Variants in LIMS1 observed in about 807,000 individuals in gnomAD.
LIMS1 encodes LIM and senescent cell antigen-like-containing domain protein 1.
Under a neutral mutation model 44.1 loss-of-function variants are expected in LIMS1, and 18 were observed. That is an observed-to-expected ratio of 0.41 (90% CI 0.28 to 0.61). The LOEUF is 0.61. Ranked by LOEUF, LIMS1 falls within the 20% of genes least tolerant of loss-of-function variation. The pLI, the probability that LIMS1 is intolerant of heterozygous loss-of-function variation, is 0.32. For missense variants in LIMS1, 201 were observed against 422.0 expected, an observed-to-expected ratio of 0.48 and a Z score of 4.59; for synonymous variants, 93 against 149.1, an observed-to-expected ratio of 0.62 and a Z score of 2.74.
chr2:108,684,693 A>C (rs1693216955), exon 10 of LIMS1: 1 of 152,212 alleles, frequency 6.6e-6, no homozygotes, highest in Non-Finnish European at 1.5e-5. Context: ...TGCAAAAAAA[A>C]ATTTATACCA....
rs370617959 is a variant in LIMS1, at chr2:108,683,933, T to C, written c.948T>C (p.Tyr316=). The C allele has an allele frequency of 2.1e-4, 335 of 1,605,374 alleles. 1 individual carries two copies. The South Asian group carries it at 3.4e-3, about 16-fold the overall frequency. ...TGAAGCCAGTCTGTAAGAAGTGCTA[T>C]GAGAAATTTCCATTGGAGCTGAAGA... The change falls in exon 10 of 10, where the codon TAT becomes TAC. Residue 316 remains tyrosine, a synonymous_variant. Coordinates refer to ENST00000544547, the Ensembl canonical transcript of LIMS1.
In LIMS1 at chr2:108,674,578, A is replaced by G. The variant is rs376992113; in HGVS notation, c.531-1300A>G. Among the ~76,000 whole-genome samples, 211 of 148,648 alleles carry G rather than the reference A, an allele frequency of 1.4e-3. 2 individuals carry two copies. In the South Asian group the frequency reaches 0.031, roughly 22 times the overall value. On this transcript the variant is annotated intron_variant, in intron 5 of 9. Coordinates refer to ENST00000544547, the Ensembl canonical transcript of LIMS1. ...TCTACTAAGAATAAAAAAATTAGCC[A>G]GGCGTGGTGGTGGGTGCCTGTAGTC...
intron 1 of LIMS1, among the ~76,000 whole-genome samples, chr2:108,593,483 T>A (rs1317140040): frequency 6.6e-6 from 1 of 152,190 alleles, no homozygotes; most frequent in East Asian, 1.9e-4. Flanking sequence ...AGACCTGGAG[T>A]TGCTGTCTTT....
At chr2:108,634,919 T>C (rs1224703300) in intron 1 of LIMS1, among the ~76,000 whole-genome samples, 1 of 152,204 alleles carries the variant, frequency 6.6e-6, no homozygotes, top group Non-Finnish European at 1.5e-5. Context: ...TATTCTCCTC[T>C]TGTTCTTGAG....
chr2:108,551,410 A>G (rs987188991), intron 1 of LIMS1, among the ~76,000 whole-genome samples: 2 of 146,222 alleles, frequency 1.4e-5, no homozygotes, highest in African/African-American at 5.0e-5. Flanking sequence ...ATATTTAGCT[A>G]TAATATAATT....
intron 3 of LIMS1, 22 bp downstream of exon 3, chr2:108,670,869 C>G (rs891070729): frequency 1.3e-6 from 2 of 1,582,432 alleles, no homozygotes; most frequent in Non-Finnish European, 1.7e-6. Flanking sequence ...TGCTAAATGT[C>G]AAGTAAAAAG....
chr2:108,535,200 GT>G (rs778555821), intron 1 of LIMS1, among the ~76,000 whole-genome samples: 2 of 152,226 alleles, frequency 1.3e-5, no homozygotes, highest in African/African-American at 4.8e-5. Flanking sequence ...TTGCAGTTCA[GT>G]CTGTTGCGGT....
At chr2:108,642,504 C>G (rs897259408) in intron 1 of LIMS1, among the ~76,000 whole-genome samples, 1 of 151,452 alleles carries the variant, frequency 6.6e-6, no homozygotes, top group Non-Finnish European at 1.5e-5. Flanking sequence ...GGACTACAGG[C>G]GCCCGCTACC....
intron 7 of LIMS1, chr2:108,677,063 C>T (rs1692615916): frequency 5.1e-6 from 1 of 195,142 alleles, no homozygotes; most frequent in Admixed American, 5.4e-5. Flanking sequence ...GACTCTCTAA[C>T]ATAATTGTAG....
At chr2:108,564,065 A>T (rs1409235897) in intron 1 of LIMS1, among the ~76,000 whole-genome samples, 2 of 144,454 alleles carry the variant, frequency 1.4e-5, no homozygotes, top group African/African-American at 5.0e-5. Context: ...AAAAAAAAGG[A>T]AAAGGAAAGA....
At chr2:108,612,434 G>A (rs374824690) in intron 1 of LIMS1, among the ~76,000 whole-genome samples, 6 of 151,008 alleles carry the variant, frequency 4.0e-5, no homozygotes, top group South Asian at 4.2e-4. Flanking sequence ...TGGTTTCAGC[G>A]TAGTTGCTAT....
intron 1 of LIMS1, among the ~76,000 whole-genome samples, chr2:108,647,335 C>T (rs763156726): frequency 2.0e-5 from 3 of 152,056 alleles, no homozygotes; most frequent in Non-Finnish European, 2.9e-5. Context: ...AGCCTACCAA[C>T]CAAAAAAAGT....
chr2:108,547,779 A>C (rs1403624329), intron 1 of LIMS1, among the ~76,000 whole-genome samples: 3 of 152,208 alleles, frequency 2.0e-5, no homozygotes, highest in Non-Finnish European at 2.9e-5. Context: ...CTACATTAGA[A>C]TATATCGGTT....
At chr2:108,551,387 AT>A (rs1391656837) in intron 1 of LIMS1, among the ~76,000 whole-genome samples, 2 of 146,322 alleles carry the variant, frequency 1.4e-5, no homozygotes, top group Non-Finnish European at 3.0e-5. Context: ...ATAACTGTAT[AT>A]TTTATATTTA....
chr2:108,542,029 AAAAC>A (rs1684333439), intron 1 of LIMS1, among the ~76,000 whole-genome samples: 1 of 152,262 alleles, frequency 6.6e-6, no homozygotes, highest in Non-Finnish European at 1.5e-5. Flanking sequence ...TATCCAAAGA[AAAAC>A]AAGCTGCACA....
At chr2:108,551,777 ATAC>A (rs1166448552) in intron 1 of LIMS1, among the ~76,000 whole-genome samples, 1 of 146,320 alleles carries the variant, frequency 6.8e-6, no homozygotes, top group Non-Finnish European at 1.5e-5. Context: ...TGTATATCAT[ATAC>A]AATATACAGA....
At chr2:108,665,170 A>G (rs1402436034) in intron 2 of LIMS1, among the ~76,000 whole-genome samples, 1 of 152,252 alleles carries the variant, frequency 6.6e-6, no homozygotes, top group East Asian at 1.9e-4. Flanking sequence ...AATGTCTGAG[A>G]AAGGTGTCAT....
intron 5 of LIMS1, chr2:108,673,507 C>T (rs1692281115): frequency 5.3e-6 from 1 of 189,758 alleles, no homozygotes; most frequent in Non-Finnish European, 1.1e-5. Flanking sequence ...CCACTTCAGC[C>T]TCCAGAGTAG....
At chr2:108,609,312 G>T (rs1253921169) in intron 1 of LIMS1, among the ~76,000 whole-genome samples, 1 of 152,096 alleles carries the variant, frequency 6.6e-6, no homozygotes, top group Non-Finnish European at 1.5e-5. Context: ...CCCATGGCAG[G>T]TGTTGCTGCC....
Sources: gnomAD v4.1 joint callset for allele counts (sites outside exome capture counted in the v4.1 genomes callset) on GRCh38, gnomAD v4.1.1 for gene constraint, MANE v1.5 for transcripts, NCBI Gene and HGNC (gene_info 2026-07-23, HGNC 2026-07-21) for gene names.